MED16: variants seen among roughly 807,000 people sequenced by gnomAD.
The protein encoded by MED16 is mediator of RNA polymerase II transcription subunit 16.
A neutral mutation model predicts 84.4 loss-of-function variants in MED16; 81 were observed. The observed-to-expected ratio is 0.96, with a 90% CI of 0.80 to 1.15. The LOEUF is 1.15. Ranked by LOEUF, MED16 falls within the 50% of genes most tolerant of loss-of-function variation. The probability of loss-of-function intolerance (pLI) is 0.00; values close to 1 mark genes in which losing one functional copy is unlikely to be tolerated. For synonymous variants in MED16, 897 were observed against 552.2 expected (o/e 1.62, Z -8.76); for missense variants, 1,585 against 1,245.9 (o/e 1.27, Z -4.10).
chr19:880,201 C>G lies in MED16; in HGVS notation c.1142-53G>C, dbSNP rs970856168. ...TGGGCAGGGCCCAGGACACGCCCGC[C>G]GGGGGAGGGGCCTCCTGCTCTGCAG... On this transcript the variant is annotated intron_variant, in intron 7 of 15. Transcript: ENST00000325464. The G allele has an allele frequency of 1.1e-5, 17 of 1,502,996 alleles. No individual in the cohort carries two copies. The South Asian group carries it at 1.9e-4, about 16-fold the overall frequency. The allele number at this position is 1,502,996 out of a possible 1,614,324, so 93.1% of individuals were successfully genotyped here. A position where few individuals can be genotyped will look rare whatever the true frequency, so the allele number is the denominator to read the frequency against.
chr19:874,440 G>A lies in MED16; in HGVS notation c.1771+804C>T, dbSNP rs533701320. 3.9e-5 allele frequency among the ~76,000 whole-genome samples: 6 copies of A among 152,298 alleles called. No individual in the cohort carries two copies. In the South Asian group the frequency reaches 8.3e-4, roughly 21 times the overall value. On this transcript the variant is annotated intron_variant, in intron 10 of 15. Transcript: ENST00000325464. ...AATTTTTAAAAGAAACAGCCTGCCA[G>A]GCACAGTGGCTCACGCCTGTAATCC...
Position 890,235 on chromosome 19 carries a change from C to T in MED16, c.179G>A (p.Arg60His), listed in dbSNP as rs909348905. The T allele has an allele frequency of 5.6e-5, 87 of 1,547,968 alleles. No homozygotes were observed. The highest frequency in any genetic ancestry group is 7.4e-5 in the Non-Finnish European group (85 of 1,145,740). Residue 60 changes from arginine (R) to histidine (H), a missense_variant, in exon 3 of 16, where the codon CGC becomes CAC. By Grantham distance (29) the Arg-to-His change is conservative. Transcript: ENST00000325464. Reference protein sequence around the residue: ...DLRSDDQDLTRMIHILDTEHP... With the variant: ...DLRSDDQDLTHMIHILDTEHP... Reference sequence around the variant, plus strand: ...CTCCGTGTCCAGGATGTGGATCATGCGGGTCAGGTCTGTGGGGACGGGGCA... The same window carrying T: ...CTCCGTGTCCAGGATGTGGATCATGTGGGTCAGGTCTGTGGGGACGGGGCA...
intron 2 of MED16, 85 bp from the exon 3 acceptor site, chr19:890,329 C>T (rs753169278): frequency 4.0e-5 from 37 of 928,188 alleles, no homozygotes; most frequent in Middle Eastern, 2.3e-4. Flanking sequence ...CCAGGTAAGC[C>T]GGTGTGTGTC....
chr19:871,956 A>T lies in MED16; in HGVS notation c.2068T>A (p.Phe690Ile). 6.3e-7 allele frequency: 1 copy of T among 1,596,884 alleles called. No individual in the cohort carries two copies. The change falls in exon 12 of 16, where the codon TTC becomes ATC. Residue 690 changes from phenylalanine to isoleucine, a missense_variant. Physicochemically the swap from Phe to Ile is conservative, Grantham distance 21 (BLOSUM62 0). Transcript: ENST00000325464. The part of the protein sequence containing the change: ...SDTQDSMSLL[F>I]RLLTKLWICC... The stretch of plus-strand genomic sequence containing the variant: ...ATCCAGAGCTTGGTGAGCAGGCGGA[A>T]GAGCAGGGACATGCTGTCCTGGGTA...
chr19:873,923 CAG>C (rs773867817), intron 10 of MED16, among the ~76,000 whole-genome samples: 7 of 152,158 alleles, frequency 4.6e-5, no homozygotes, highest in Non-Finnish European at 1.0e-4. Context: ...TCTGTGAACA[CAG>C]GGGCATGTCC....
At chr19:890,517 G>A (rs773099616) in intron 2 of MED16, 4 of 398,218 alleles carry the variant, frequency 1.0e-5, no homozygotes, top group Non-Finnish European at 1.3e-5. Flanking sequence ...CAGATAATAG[G>A]TGGCTTTTTT....
In MED16 at chr19:870,928, G is replaced by A. The variant is rs60478125; in HGVS notation, c.2315+109C>T. ...GCGGGGAGCCGTGTGGATTCGGGGG[G>A]ACCTGGGGCAGGACATGCAGGGAGG... On this transcript the variant is annotated intron_variant, in intron 13 of 15. Transcript: ENST00000325464. The A allele has an allele frequency of 3.2e-4, 358 of 1,129,060 alleles. 6 individuals carry two copies. The African/African-American group carries it at 4.8e-3, about 15-fold the overall frequency. The allele number at this position is 1,129,060 out of a possible 1,614,324, so 69.9% of individuals were successfully genotyped here.
chr19:874,503 T>G (rs1328874836), intron 10 of MED16, among the ~76,000 whole-genome samples: 3 of 152,034 alleles, frequency 2.0e-5, no homozygotes, highest in African/African-American at 7.2e-5. Context: ...GGACACCACG[T>G]GCTGGGTGAG....
intron 4 of MED16, among the ~76,000 whole-genome samples, chr19:887,095 AAG>A (rs1416309342): frequency 6.6e-6 from 1 of 151,772 alleles, no homozygotes; most frequent in African/African-American, 2.4e-5. Context: ...CAAAAAAAAA[AAG>A]AACAAGAAAA....
chr19:892,931 GCCCC>G (rs2036671893), intron 1 of MED16, 151 bp downstream of exon 1: 1 of 99,318 alleles, frequency 1.0e-5, no homozygotes, highest in Non-Finnish European at 2.4e-5. Flanking sequence ...CGCGCCCCGC[GCCCC>G]GCGCCCCAGG....
chr19:872,255 G>GA (rs1568320256), intron 11 of MED16, 137 bp from the exon 12 acceptor site: 1 of 691,152 alleles, frequency 1.4e-6, no homozygotes, highest in African/African-American at 1.8e-5. Flanking sequence ...CAGGACTGGG[G>GA]TGCTTCTGGC....
Position 886,070 on chromosome 19 carries a change from C to T in MED16, c.579G>A (p.Leu193=). The T allele has an allele frequency of 1.3e-6, 2 of 1,595,708 alleles. No homozygotes were observed. Among genetic ancestry groups the T allele is most frequent in the Non-Finnish European group, 1.7e-6 (2 of 1,175,156 alleles). ...ACGTCAGCACCTGCCCGCTGGGCTT[C>T]AGCAGGGACACGGTGACCAGGCCGC... ...TVSGLVTVSL[L]KPSGQVLTST... Residue 193 remains leucine, a synonymous_variant, in exon 5 of 16, where the codon CTG becomes CTA. Coordinates refer to ENST00000325464, the MANE Select transcript of MED16 (RefSeq NM_005481.3).
chr19:871,090 C>G lies in MED16; in HGVS notation c.2262G>C (p.Arg754=). ...CAGCACTGCCAGGCAGCGTGGGCGC[C>G]CGGCCAAACTGCAGACGAAGGGGCT... ...PKQPLRLQFG[R]APTLPGSAAT... Residue 754 remains arginine (R), a synonymous_variant, in exon 13 of 16, where the codon CGG becomes CGC. Transcript: ENST00000325464. 1 of 1,548,148 alleles carries G rather than the reference C, an allele frequency of 6.5e-7. No individual in the cohort carries two copies. The highest frequency in any genetic ancestry group is 2.4e-5 in the East Asian group (1 of 40,856).
chr19:872,611 G>A (rs1401502176), intron 11 of MED16, among the ~76,000 whole-genome samples: 1 of 151,690 alleles, frequency 6.6e-6, no homozygotes, highest in Non-Finnish European at 1.5e-5. Flanking sequence ...GGGTGGGTGG[G>A]GCAGAAGAAA....
chr19:877,145 G>C lies in MED16; in HGVS notation c.1389C>G (p.His463Gln). ...GCAGCGCCAGCCCCACCTCCAGCGG[G>C]TGGCCCATGGAAGGTGAGAGGCGGA... ...SVLRLSPSMG[H>Q]PLEVGLALRH... Residue 463 changes from histidine (H) to glutamine (Q), a missense_variant, in exon 9 of 16, where the codon CAC (histidine) becomes CAG (glutamine). Coordinates refer to ENST00000325464, the MANE Select transcript of MED16 (RefSeq NM_005481.3). 3.1e-6 allele frequency: 5 copies of C among 1,611,962 alleles called. No homozygotes were observed. Among genetic ancestry groups the C allele is most frequent in the Non-Finnish European group, 4.2e-6 (5 of 1,179,696 alleles).
chr19:869,482 T>A (rs1437148393), intron 13 of MED16, among the ~76,000 whole-genome samples: 6 of 152,028 alleles, frequency 3.9e-5, no homozygotes, highest in Admixed American at 2.6e-4. Flanking sequence ...ATATCTGAAA[T>A]TTTCCCAGTT....
In MED16 at chr19:881,608, G is replaced by A. The variant is rs1227361804; in HGVS notation, c.1092C>T (p.Thr364=). The A allele has an allele frequency of 6.2e-7, 1 of 1,612,596 alleles. No individual in the cohort carries two copies. Among genetic ancestry groups the A allele is most frequent in the African/African-American group, 1.3e-5 (1 of 74,928 alleles). ...CGCTGGCCACCTTGAGGTCGGTGTT[G>A]GTGAGCGAGATGGGCAGCTTGGGCA... The part of the protein sequence containing the change: ...VALPKLPISL[T]NTDLKVASDT... Residue 364 remains threonine, a synonymous_variant, in exon 7 of 16, where the codon ACC becomes ACT. Coordinates refer to ENST00000325464, the MANE Select transcript of MED16 (RefSeq NM_005481.3).
In MED16 at chr19:886,207, G is replaced by C. The variant is rs746321998; in HGVS notation, c.448-6C>G. On this transcript the variant is annotated splice_polypyrimidine_tract_variant and splice_region_variant and intron_variant, in intron 4 of 15. Coordinates refer to ENST00000325464, the MANE Select transcript of MED16 (RefSeq NM_005481.3). The stretch of plus-strand genomic sequence containing the variant: ...CCGAAGCTGGAGGCGCCCGACTGTG[G>C]AGAAGGGAGGGAGGGAGGAGGGGCC... 1.3e-6 allele frequency: 2 copies of C among 1,502,400 alleles called. No individual in the cohort carries two copies. Among genetic ancestry groups the C allele is most frequent in the Non-Finnish European group, 1.8e-6 (2 of 1,130,832 alleles). The allele number at this position is 1,502,400 out of a possible 1,614,324, so 93.1% of individuals were successfully genotyped here.
At chr19:881,121 G>A (rs1007802538) in intron 7 of MED16, among the ~76,000 whole-genome samples, 3 of 151,678 alleles carry the variant, frequency 2.0e-5, no homozygotes, top group African/African-American at 4.9e-5. Context: ...CCTGAGCTAG[G>A]GCCGACTTGT....
Sources: gnomAD v4.1 joint callset for allele counts (sites outside exome capture counted in the v4.1 genomes callset) on GRCh38, gnomAD v4.1.1 for gene constraint, MANE v1.5 for transcripts, NCBI Gene and HGNC (gene_info 2026-07-23, HGNC 2026-07-21) for gene names.